PRKN: variants seen among roughly 807,000 people sequenced by gnomAD.
The protein encoded by PRKN is parkin RBR E3 ubiquitin protein ligase, also known as E3 ubiquitin-protein ligase parkin.
A neutral mutation model predicts 59.5 loss-of-function variants in PRKN; 56 were observed. The observed-to-expected ratio is 0.94, with a 90% confidence interval of 0.76 to 1.18. The LOEUF (loss-of-function observed/expected upper bound fraction) is 1.18, where lower values mean the gene tolerates loss of function less well. Ranked by LOEUF, PRKN falls within the 50% of genes most tolerant of loss-of-function variation. The probability of loss-of-function intolerance (pLI) is 0.00; values close to 1 mark genes in which losing one functional copy is unlikely to be tolerated. For missense variants in PRKN, 657 were observed against 596.4 expected, an observed-to-expected ratio of 1.10 and a Z score of -1.06; for synonymous variants, 250 against 222.1, an observed-to-expected ratio of 1.13 and a Z score of -1.12.
At chr6:161,797,776 T>G (rs942879669) in intron 6 of PRKN, among the ~76,000 whole-genome samples, 3 of 152,256 alleles carry the variant, frequency 2.0e-5, no homozygotes, top group African/African-American at 7.2e-5. Flanking sequence ...TTCTGGCATA[T>G]AGTAGATAAA....
chr6:161,398,755 G>A (rs1234800504), intron 9 of PRKN, among the ~76,000 whole-genome samples: 4 of 152,210 alleles, frequency 2.6e-5, no homozygotes, highest in Non-Finnish European at 5.9e-5. Context: ...AGAGTTCACA[G>A]TCAGCTGTGT....
chr6:162,687,482 C>T (rs538297398), intron 1 of PRKN, among the ~76,000 whole-genome samples: 30 of 152,124 alleles, frequency 2.0e-4, no homozygotes, highest in Middle Eastern at 3.4e-3. Flanking sequence ...CCGTGACTGG[C>T]CACAAAAGAG....
At chr6:161,992,958 C>CA (rs1781706597) in intron 5 of PRKN, among the ~76,000 whole-genome samples, 2 of 152,038 alleles carry the variant, frequency 1.3e-5, no homozygotes, top group Admixed American at 1.3e-4. Context: ...AGCAAAAGTA[C>CA]TGCTAAGAGA....
At chr6:161,965,715 G>C (rs1312380956) in intron 6 of PRKN, among the ~76,000 whole-genome samples, 1 of 152,002 alleles carries the variant, frequency 6.6e-6, no homozygotes, top group Non-Finnish European at 1.5e-5. Flanking sequence ...GGTCGAGAAA[G>C]GTGGGACAAC....
intron 1 of PRKN, among the ~76,000 whole-genome samples, chr6:162,693,866 CAT>C (rs1325646336): frequency 7.9e-5 from 12 of 152,266 alleles, no homozygotes; most frequent in South Asian, 2.1e-4. Flanking sequence ...ACATGATACA[CAT>C]ATGTTACAAA....
intron 3 of PRKN, among the ~76,000 whole-genome samples, chr6:162,219,326 T>C (rs149493682): frequency 2.6e-5 from 4 of 152,336 alleles, no homozygotes; most frequent in Admixed American, 6.5e-5. Context: ...ACTGCATAGG[T>C]GACTCCCTGT....
In PRKN at chr6:161,360,761, T is replaced by C. The variant is rs1784946053; in HGVS notation, c.1168-556A>G. Among the ~76,000 whole-genome samples the C allele has an allele frequency of 6.6e-6, 1 of 152,128 alleles. No individual in the cohort carries two copies. The highest frequency in any genetic ancestry group is 2.1e-4 in the South Asian group (1 of 4,824). ...AAGGGACAGGAGCAAGAACAGGAAATGAAGTCGATGTGCCAGAGAGGGCAG... is the reference window on the plus strand; with the variant it reads ...AAGGGACAGGAGCAAGAACAGGAAACGAAGTCGATGTGCCAGAGAGGGCAG... On this transcript the variant is annotated intron_variant, in intron 10 of 11. Coordinates refer to ENST00000366898, the MANE Select transcript of PRKN (RefSeq NM_004562.3). The surrounding 1 kb of genome is among the most constrained non-coding windows in gnomAD (Gnocchi z 5.1).
chr6:161,681,290 G>C (rs970451402), intron 7 of PRKN, among the ~76,000 whole-genome samples: 2 of 152,150 alleles, frequency 1.3e-5, no homozygotes, highest in African/African-American at 4.8e-5. Context: ...AGATGGGTAT[G>C]CTTTTGTGGC....
intron 7 of PRKN, among the ~76,000 whole-genome samples, chr6:161,712,434 G>C (rs2128182792): frequency 6.6e-6 from 1 of 152,206 alleles, no homozygotes; most frequent in South Asian, 2.1e-4. Flanking sequence ...GAACATCTAT[G>C]ACACCTTTCC....
chr6:162,053,962 T>C, intron 5 of PRKN, 129 bp downstream of exon 5: 2 of 776,876 alleles, frequency 2.6e-6, no homozygotes, highest in Admixed American at 3.7e-5. Context: ...TTAAATATCA[T>C]AACACTTTTG....
chr6:162,641,900 T>C (rs549680364), intron 1 of PRKN, among the ~76,000 whole-genome samples: 182 of 152,298 alleles, frequency 1.2e-3, no homozygotes, highest in African/African-American at 4.2e-3. Flanking sequence ...TCTTTACAGA[T>C]TCAGATATTA....
intron 1 of PRKN, chr6:162,624,301 G>A (rs1319813532): frequency 6.6e-6 from 1 of 151,262 alleles, no homozygotes; most frequent in Non-Finnish European, 1.5e-5. Flanking sequence ...TCTGTTACGT[G>A]AGGAGAACAA....
chr6:161,903,341 C>T (rs752897383), intron 6 of PRKN, among the ~76,000 whole-genome samples: 4 of 152,112 alleles, frequency 2.6e-5, no homozygotes, highest in Non-Finnish European at 5.9e-5. Context: ...TTGTTTACCT[C>T]GGAGATCTGC....
Position 161,697,674 on chromosome 6 carries a change from T to C in PRKN, c.871+88098A>G, listed in dbSNP as rs547473605. 2.6e-5 allele frequency among the ~76,000 whole-genome samples: 4 copies of C among 152,302 alleles called. No homozygotes were observed. The East Asian group carries it at 5.8e-4, about 22-fold the overall frequency. On this transcript the variant is annotated intron_variant, in intron 7 of 11. Transcript: ENST00000366898. ...CTCTCTTCTCTAATCTTGTAAGCCATTGGTAAGTTCAATATCTGTTTCAAA... is the reference window on the plus strand; with the variant it reads ...CTCTCTTCTCTAATCTTGTAAGCCACTGGTAAGTTCAATATCTGTTTCAAA...
intron 2 of PRKN, among the ~76,000 whole-genome samples, chr6:162,374,848 GTCTC>G (rs925142667): frequency 7.6e-4 from 115 of 152,206 alleles, no homozygotes; most frequent in African/African-American, 2.7e-3. Flanking sequence ...TCTGGTCAGA[GTCTC>G]TATGAATCAA....
At chr6:162,370,343 T>C (rs961512854) in intron 2 of PRKN, among the ~76,000 whole-genome samples, 2 of 152,238 alleles carry the variant, frequency 1.3e-5, no homozygotes, top group South Asian at 2.1e-4. Context: ...AAAAAAGGCA[T>C]AGCATTTTAA....
In PRKN at chr6:161,355,694, C is replaced by T. The variant is rs779430980; in HGVS notation, c.1285+4394G>A. ...GTGCTGGGATTACAGGCGTGAGTCA[C>T]CACGCCCGGCCTACAAGCTAAGTTT... On this transcript the variant is annotated intron_variant, in intron 11 of 11. Transcript: ENST00000366898. The surrounding 1 kb of genome is among the most constrained non-coding windows in gnomAD (Gnocchi z 6.8). 6.6e-6 allele frequency among the ~76,000 whole-genome samples: 1 copy of T among 152,038 alleles called. No individual in the cohort carries two copies. The highest frequency in any genetic ancestry group is 1.5e-5 in the Non-Finnish European group (1 of 67,920).
At chr6:162,592,717 T>C (rs975904111) in intron 1 of PRKN, among the ~76,000 whole-genome samples, 3 of 152,078 alleles carry the variant, frequency 2.0e-5, no homozygotes, top group African/African-American at 4.8e-5. Flanking sequence ...CTCTTCAACC[T>C]TGACACAACA....
Position 161,473,045 on chromosome 6 carries a change from G to C in PRKN, c.1083+75809C>G, listed in dbSNP as rs1270102415. On this transcript the variant is annotated intron_variant, in intron 9 of 11. Coordinates refer to ENST00000366898, the MANE Select transcript of PRKN (RefSeq NM_004562.3). The surrounding 1 kb of genome is among the most constrained non-coding windows in gnomAD (Gnocchi z 4.1). ...AGGGAACCCTGACATGCTGTTGGTG[G>C]GAATGTAAATTGTTGCAGCCTTTAT... 6.6e-6 allele frequency among the ~76,000 whole-genome samples: 1 copy of C among 152,086 alleles called. No homozygotes were observed. Among genetic ancestry groups the C allele is most frequent in the Non-Finnish European group, 1.5e-5 (1 of 68,018 alleles).
Sources: allele counts gnomAD v4.1 joint callset (sites outside exome capture counted in the v4.1 genomes callset), GRCh38; gene constraint gnomAD v4.1.1; non-coding constraint Gnocchi (gnomAD v3.1); transcripts MANE v1.5; gene names NCBI Gene and HGNC (gene_info 2026-07-23, HGNC 2026-07-21).